PKP2: variants seen among roughly 807,000 people sequenced by gnomAD.
The protein encoded by PKP2 is plakophilin 2.
PKP2 carries 73 observed loss-of-function variants against 83.4 expected under a neutral mutation model. The ratio of observed to expected loss-of-function variants is 0.88; its 90% CI spans 0.72 to 1.06. The LOEUF (loss-of-function observed/expected upper bound fraction) is 1.06. Among genes scored for constraint, PKP2 ranks in the 50% least tolerant of loss-of-function variants. PKP2 has a pLI of 0.00. For synonymous variants in PKP2, 409 were observed against 430.4 expected (o/e 0.95, Z 0.62); for missense variants, 966 against 1,065.4 (o/e 0.91, Z 1.30).
Position 32,796,126 on chromosome 12 carries a change from G to C in PKP2, c.2340C>G (p.Ala780=). ...LNTGGIQKIM[A]ISAGDAYASN... ...GGACTTACGCATCGCCTGCACTAATGGCCATAATTTTCTGGATGCCCCCGG... is the reference window on the plus strand; with the variant it reads ...GGACTTACGCATCGCCTGCACTAATCGCCATAATTTTCTGGATGCCCCCGG... The change falls in exon 11 of 13, where the codon GCC becomes GCG. Residue 780 remains alanine, a synonymous_variant. Coordinates refer to ENST00000340811, the MANE Select transcript of PKP2 (RefSeq NM_001005242.3). The C allele has an allele frequency of 6.2e-7, 1 of 1,613,944 alleles. No individual in the cohort carries two copies. Among genetic ancestry groups the C allele is most frequent in the Admixed American group, 1.7e-5 (1 of 60,020 alleles).
intron 5 of PKP2, 57 bp from the exon 6 acceptor site, chr12:32,841,262 T>C: frequency 6.8e-7 from 1 of 1,461,954 alleles, no homozygotes; most frequent in Non-Finnish European, 9.5e-7. Context: ...AAATGACCGC[T>C]GAAAAGTTCA....
At chr12:32,819,782 C>T (rs1307968495) in intron 9 of PKP2, among the ~76,000 whole-genome samples, 1 of 151,914 alleles carries the variant, frequency 6.6e-6, no homozygotes, top group African/African-American at 2.4e-5. Context: ...CTGTGGGAGG[C>T]TCTTGGAATG....
At chr12:32,896,462 G>A (rs749260711) in intron 1 of PKP2, 47 bp downstream of exon 1, 1 of 1,362,898 alleles carries the variant, frequency 7.3e-7, no homozygotes, top group Admixed American at 2.4e-5. Flanking sequence ...GGAGGTGACC[G>A]GGTGTGGGGC....
intron 5 of PKP2, among the ~76,000 whole-genome samples, chr12:32,848,127 C>G (rs546969225): frequency 6.6e-6 from 1 of 152,242 alleles, no homozygotes; most frequent in African/African-American, 2.4e-5. Flanking sequence ...CTGGCAAGAG[C>G]GTAGCATGGT....
chr12:32,858,076 AAAAAAAAAATATAT>A (rs1384015481), intron 4 of PKP2, among the ~76,000 whole-genome samples: 15 of 65,804 alleles, frequency 2.3e-4, no homozygotes, highest in African/African-American at 5.6e-4. Context: ...AAAAAAAAAA[AAAAAAAAAATATAT>A]ATATATATAT....
At chr12:32,885,666 C>T (rs1470226651) in intron 1 of PKP2, among the ~76,000 whole-genome samples, 4 of 151,112 alleles carry the variant, frequency 2.6e-5, no homozygotes, top group African/African-American at 7.3e-5. Context: ...TCCGTCCCCC[C>T]CCCAAAAAAA....
At chr12:32,795,143 T>G (rs976562400) in intron 11 of PKP2, among the ~76,000 whole-genome samples, 1 of 152,044 alleles carries the variant, frequency 6.6e-6, no homozygotes, top group Non-Finnish European at 1.5e-5. Context: ...CACTCTAAAT[T>G]AACTAATAGT....
intron 9 of PKP2, among the ~76,000 whole-genome samples, chr12:32,808,892 C>G (rs890421700): frequency 6.6e-6 from 1 of 152,194 alleles, no homozygotes; most frequent in Admixed American, 6.5e-5. Context: ...GCAGCCTGCT[C>G]CTTCCTCTGG....
At chr12:32,855,640 GT>G (rs1406223042) in intron 4 of PKP2, among the ~76,000 whole-genome samples, 1 of 151,886 alleles carries the variant, frequency 6.6e-6, no homozygotes, top group African/African-American at 2.4e-5. Flanking sequence ...GCTGGGTGTG[GT>G]GGCGCAAGCC....
At position 32,878,011 on chromosome 12, in the gene PKP2, CAGG is replaced by C; in HGVS notation, c.866_868del (p.Ser289del). On this transcript the variant is annotated inframe_deletion, in exon 3 of 13. Coordinates refer to ENST00000340811, the MANE Select transcript of PKP2 (RefSeq NM_001005242.3). ...GGTGCTGTGGAAGGAGCTCTGATGC[CAGG>C]AGGACCTGGAAGCCCTGTTCTGAGT... 6.2e-7 allele frequency: 1 copy of C among 1,613,982 alleles called. No individual in the cohort carries two copies. The highest frequency in any genetic ancestry group is 8.5e-7 in the Non-Finnish European group (1 of 1,180,034).
At chr12:32,889,483 C>T (rs568422158) in intron 1 of PKP2, among the ~76,000 whole-genome samples, 1 of 152,302 alleles carries the variant, frequency 6.6e-6, no homozygotes, top group South Asian at 2.1e-4. Context: ...CTGTATCTTA[C>T]ACTACCACTT....
chr12:32,792,583 C>T, intron 12 of PKP2, 61 bp downstream of exon 12: 3 of 1,550,886 alleles, frequency 1.9e-6, no homozygotes, highest in Non-Finnish European at 2.7e-6. Flanking sequence ...AGGGTCAAGT[C>T]AAGTGGGCCA....
At chr12:32,886,966 T>C (rs1475006392) in intron 1 of PKP2, among the ~76,000 whole-genome samples, 1 of 151,016 alleles carries the variant, frequency 6.6e-6, no homozygotes. Context: ...GCCACTGCAC[T>C]CCAGGCTGGG....
chr12:32,845,273 T>C (rs527624314), intron 5 of PKP2, among the ~76,000 whole-genome samples: 21 of 152,238 alleles, frequency 1.4e-4, no homozygotes, highest in Admixed American at 1.0e-3. Context: ...TGACCTCGGC[T>C]GGGCGCGGTG....
intron 6 of PKP2, among the ~76,000 whole-genome samples, chr12:32,830,857 G>T (rs980599423): frequency 9.3e-5 from 14 of 150,888 alleles, no homozygotes; most frequent in Non-Finnish European, 1.6e-4. Flanking sequence ...AGTGAGCCGA[G>T]ATAGTGCCAC....
rs73090788 is a variant in PKP2 at position 32,896,274 on chromosome 12, A to T, written c.223+235T>A. On this transcript the variant is annotated intron_variant, in intron 1 of 12. Transcript: ENST00000340811. ...GAAATCTTGAAGTGAGTTAGTTAAC[A>T]TTGATAGATATGTACAATATTTAAT... 8.7e-3 allele frequency among the ~76,000 whole-genome samples: 1,322 copies of T among 152,322 alleles called. 4 individuals are homozygous for T. Among genetic ancestry groups the T allele is most frequent in the Non-Finnish European group, 0.014 (935 of 68,036 alleles).
intron 8 of PKP2, among the ~76,000 whole-genome samples, chr12:32,822,226 T>C (rs1056307168): frequency 6.6e-6 from 1 of 152,252 alleles, no homozygotes; most frequent in African/African-American, 2.4e-5. Flanking sequence ...CCTGGCATTG[T>C]ATTCAATCTC....
chr12:32,868,917 T>G lies in PKP2; in HGVS notation c.1170+10A>C. On this transcript the variant is annotated intron_variant, in intron 4 of 12. Coordinates refer to ENST00000340811, the MANE Select transcript of PKP2 (RefSeq NM_001005242.3). ...GTTGCGCTTTGCAATGGACTGAAGA[T>G]GACACTCACCCTCTTCCGAGCTTCA... 1.9e-6 allele frequency: 3 copies of G among 1,611,846 alleles called. No individual in the cohort carries two copies. Among genetic ancestry groups the G allele is most frequent in the Non-Finnish European group, 2.5e-6 (3 of 1,179,228 alleles).
intron 5 of PKP2, 83 bp downstream of exon 5, chr12:32,850,683 G>A (rs1956687500): frequency 1.9e-6 from 2 of 1,054,740 alleles, no homozygotes; most frequent in Non-Finnish European, 2.9e-6. Flanking sequence ...ATTTGCTCCA[G>A]GAAACTTAAG....
Sources: allele counts gnomAD v4.1 joint callset (sites outside exome capture counted in the v4.1 genomes callset), GRCh38; gene constraint gnomAD v4.1.1; transcripts MANE v1.5; gene names NCBI Gene and HGNC (gene_info 2026-07-23, HGNC 2026-07-21).